The following PSMD8 variants were observed in gnomAD, a reference collection of about 807,000 sequenced individuals.
PSMD8 encodes the protein 26S proteasome non-ATPase regulatory subunit 8.
In PSMD8, 30 loss-of-function variants were observed where a neutral mutation model predicts 40.0. The observed-to-expected ratio is 0.75, with a 90% CI of 0.56 to 1.02. PSMD8 has a LOEUF of 1.02. Ranked by LOEUF, PSMD8 falls within the 50% of genes least tolerant of loss-of-function variation. The pLI is 0.00. For synonymous variants in PSMD8, 208 were observed against 192.5 expected, an observed-to-expected ratio of 1.08 and a Z score of -0.67; for missense variants, 461 against 463.9, an observed-to-expected ratio of 0.99 and a Z score of 0.06.
rs1568389199 is a variant in PSMD8 at position 38,383,396 on chromosome 19, C to G, written c.*6C>G. On this transcript the variant is annotated 3_prime_UTR_variant, in exon 7 of 7. Transcript: ENST00000215071. Reference sequence around the variant, plus strand: ...AGCTGGAGATGATCGTCTGAGCCCCCCGGGCACTGGGTGGGGCAGGGCACG... The same window carrying G: ...AGCTGGAGATGATCGTCTGAGCCCCGCGGGCACTGGGTGGGGCAGGGCACG... The G allele has an allele frequency of 3.7e-6, 6 of 1,613,836 alleles. No individual in the cohort carries two copies. Among genetic ancestry groups the G allele is most frequent in the East Asian group, 4.5e-5 (2 of 44,898 alleles).
In PSMD8 at chr19:38,379,333, G is replaced by A. The variant is rs911967372; in HGVS notation, c.630G>A (p.Thr210=). ...LSQNRVAEFH[T]ELERLPAKDI... Reference sequence around the variant, plus strand: ...AGAACCGGGTGGCTGAGTTCCACACGGAGTTGGAGCGGCTGCCTGCCAAGG... The same window carrying A: ...AGAACCGGGTGGCTGAGTTCCACACAGAGTTGGAGCGGCTGCCTGCCAAGG... The change falls in exon 4 of 7, where the codon ACG becomes ACA. Residue 210 remains threonine, a synonymous_variant. Transcript: ENST00000215071. The A allele has an allele frequency of 4.3e-6, 7 of 1,613,900 alleles. No individual in the cohort carries two copies. The highest frequency in any genetic ancestry group is 2.7e-5 in the African/African-American group (2 of 74,918).
rs1970581635 is a variant in PSMD8, at chr19:38,374,698, T to G, written c.97T>G (p.Leu33Val). 1 of 1,544,292 alleles carries G rather than the reference T, an allele frequency of 6.5e-7. No individual in the cohort carries two copies. The highest frequency in any genetic ancestry group is 8.7e-7 in the Non-Finnish European group (1 of 1,147,744). ...GCAGGTTGTAGCCCCGCCCCGGGCC[T>G]TGGGCTCCACCTCTCGGCCCCACTT... Reference protein sequence around the residue: ...LRQVVAPPRALGSTSRPHFRR... With the variant: ...LRQVVAPPRAVGSTSRPHFRR... Residue 33 changes from leucine (L) to valine (V), a missense_variant, in exon 1 of 7, where the codon TTG becomes GTG. Physicochemically the swap from Leu to Val is conservative, Grantham distance 32. Coordinates refer to ENST00000215071, the MANE Select transcript of PSMD8 (RefSeq NM_002812.5).
At position 38,374,828 on chromosome 19, in the gene PSMD8, C is replaced by T; in HGVS notation, c.227C>T (p.Ser76Leu). The T allele has an allele frequency of 5.7e-6, 9 of 1,575,074 alleles. No homozygotes were observed. The highest frequency in any genetic ancestry group is 7.7e-6 in the Non-Finnish European group (9 of 1,167,984). ...AAAVNGAAGF[S>L]SSGPAATSGA... ...GCGGTGAACGGGGCGGCAGGCTTCT[C>T]GAGCTCCGGGCCCGCGGCAACCTCG... is the stretch of plus-strand genomic sequence containing the variant. The change falls in exon 1 of 7, where the codon TCG (serine) becomes TTG (leucine). Residue 76 changes from serine (S) to leucine (L), a missense_variant. Ser to Leu is a moderately radical substitution (Grantham distance 145, BLOSUM62 -2). Coordinates refer to ENST00000215071, the MANE Select transcript of PSMD8 (RefSeq NM_002812.5).
chr19:38,377,793 C>T (rs1970609640), intron 3 of PSMD8, among the ~76,000 whole-genome samples: 1 of 152,166 alleles, frequency 6.6e-6, no homozygotes, highest in South Asian at 2.1e-4. Context: ...GTGCCCACGA[C>T]CACGCCCAGC....
intron 3 of PSMD8, among the ~76,000 whole-genome samples, chr19:38,378,183 G>T (rs1020387821): frequency 1.3e-5 from 2 of 152,048 alleles, no homozygotes; most frequent in South Asian, 4.1e-4. Context: ...CCAACATGGC[G>T]AAATCCTGTC....
At position 38,376,336 on chromosome 19, in the gene PSMD8, ACT is replaced by A. The variant is rs1484929889; in HGVS notation, c.434-13_434-12del. 1 of 1,546,100 alleles carries A rather than the reference ACT, an allele frequency of 6.5e-7. No individual in the cohort carries two copies. The highest frequency in any genetic ancestry group is 2.4e-5 in the East Asian group (1 of 40,898). On this transcript the variant is annotated splice_polypyrimidine_tract_variant and intron_variant, in intron 2 of 6. Transcript: ENST00000215071. The stretch of plus-strand genomic sequence containing the variant: ...GACCTCAGTCACCTCCTGAGAGCTC[ACT>A]CTGTCACCCACAGGTGACATACTGG...
chr19:38,376,612 C>G (rs1057359677), intron 3 of PSMD8, among the ~76,000 whole-genome samples, 158 bp downstream of exon 3: 3 of 152,120 alleles, frequency 2.0e-5, no homozygotes, highest in Non-Finnish European at 4.4e-5. Flanking sequence ...CTTGGAGGTC[C>G]TGAGACTTGG....
intron 4 of PSMD8, among the ~76,000 whole-genome samples, chr19:38,380,542 C>T (rs2072350): frequency 0.025 from 3,764 of 151,698 alleles, 128 homozygotes; most frequent in East Asian, 0.13. Flanking sequence ...CAGCACAGTT[C>T]GGGCAAAGGT....
chr19:38,374,831 G>A lies in PSMD8; in HGVS notation c.230G>A (p.Ser77Asn). 1 of 1,575,814 alleles carries A rather than the reference G, an allele frequency of 6.3e-7. No individual in the cohort carries two copies. Among genetic ancestry groups the A allele is most frequent in the South Asian group, 1.1e-5 (1 of 87,624 alleles). ...AAVNGAAGFS[S>N]SGPAATSGAV... ...GTGAACGGGGCGGCAGGCTTCTCGA[G>A]CTCCGGGCCCGCGGCAACCTCGGGC... The change falls in exon 1 of 7, where the codon AGC becomes AAC. Residue 77 changes from serine (S) to asparagine (N), a missense_variant. Physicochemically the swap from Ser to Asn is conservative, Grantham distance 46. Around this residue, in one of 2 missense-constraint regions of PSMD8, gnomAD observed 225 missense variants for 142.7 expected, o/e 1.58. Coordinates refer to ENST00000215071, the MANE Select transcript of PSMD8 (RefSeq NM_002812.5).
At position 38,380,971 on chromosome 19, in the gene PSMD8, T is replaced by C; in HGVS notation, c.775T>C (p.Phe259Leu). The change falls in exon 5 of 7, where the codon TTC (phenylalanine) becomes CTC (leucine). Residue 259 changes from phenylalanine to leucine, a missense_variant. Around this residue, in one of 2 missense-constraint regions of PSMD8, gnomAD observed 236 missense variants for 321.2 expected, o/e 0.73. Coordinates refer to ENST00000215071, the MANE Select transcript of PSMD8 (RefSeq NM_002812.5). The part of the protein sequence containing the change: ...GNIPAESYTF[F>L]IDILLDTIRD... The stretch of plus-strand genomic sequence containing the variant: ...CATCCCCGCCGAGAGCTACACCTTC[T>C]TCATTGACATCCTGCTCGACACTAT... 6.3e-7 allele frequency: 1 copy of C among 1,586,776 alleles called. No individual in the cohort carries two copies. The highest frequency in any genetic ancestry group is 2.3e-5 in the East Asian group (1 of 43,622).
intron 1 of PSMD8, 60 bp downstream of exon 1, chr19:38,375,021 C>A: frequency 6.5e-7 from 1 of 1,529,020 alleles, no homozygotes; most frequent in South Asian, 1.2e-5. Context: ...TACGAGGTGT[C>A]TGGACCCAAC....
At position 38,379,232 on chromosome 19, in the gene PSMD8, G is replaced by A. The variant is rs780260613; in HGVS notation, c.537-8G>A. On this transcript the variant is annotated splice_polypyrimidine_tract_variant and splice_region_variant and intron_variant, in intron 3 of 6. Transcript: ENST00000215071. ...TCCTTAACCTGCTTCCCCATCCCAC[G>A]TCCACAGGGAGCAGCTCCCCGAGTC... 16 of 1,612,696 alleles carry A rather than the reference G, an allele frequency of 9.9e-6. No individual in the cohort carries two copies. The South Asian group carries it at 1.1e-4, about 11-fold the overall frequency.
chr19:38,375,984 G>A (rs993995392), intron 1 of PSMD8, among the ~76,000 whole-genome samples, 176 bp from the exon 2 acceptor site: 1 of 152,178 alleles, frequency 6.6e-6, no homozygotes, highest in Non-Finnish European at 1.5e-5. Context: ...ATCTTAAATG[G>A]GCATGTGTTG....
Position 38,374,593 on chromosome 19 carries a change from C to T in PSMD8, c.-9C>T. On this transcript the variant is annotated 5_prime_UTR_variant, in exon 1 of 7. Coordinates refer to ENST00000215071, the MANE Select transcript of PSMD8 (RefSeq NM_002812.5). ...CTTGAGTGACGACAGAGGCGGAGCT[C>T]CAACTGACATGTTCATTAAGGGCAG... The T allele has an allele frequency of 6.9e-7, 1 of 1,456,286 alleles. No individual in the cohort carries two copies. The allele number at this position is 1,456,286 out of a possible 1,614,324, so 90.2% of individuals were successfully genotyped here.
rs1600496066 is a variant in PSMD8, at chr19:38,376,553, A to G, written c.536+99A>G. On this transcript the variant is annotated intron_variant, in intron 3 of 6. Transcript: ENST00000215071. ...TTGGGTCCTCTTCCTTCATCTGGGA[A>G]CTCCTCCTGGCTTAGTTCTCTCCTC... 1.1e-5 allele frequency: 12 copies of G among 1,086,980 alleles called. No individual in the cohort carries two copies. The East Asian group carries it at 1.8e-4, about 16-fold the overall frequency. The allele number at this position is 1,086,980 out of a possible 1,614,324, so 67.3% of individuals were successfully genotyped here.
intron 4 of PSMD8, among the ~76,000 whole-genome samples, chr19:38,379,735 A>G (rs1297789543): frequency 1.3e-5 from 2 of 152,062 alleles, no homozygotes; most frequent in African/African-American, 4.8e-5. Flanking sequence ...AGGAGGGTGG[A>G]GAGGCAGGGA....
At chr19:38,382,927 A>T (rs1238510083) in intron 6 of PSMD8, 1 of 275,366 alleles carries the variant, frequency 3.6e-6, no homozygotes, top group Admixed American at 4.6e-5. Context: ...AAAAAAAAAA[A>T]AAAGAAGAAG....
chr19:38,378,539 G>A (rs112793961), intron 3 of PSMD8, among the ~76,000 whole-genome samples: 3,530 of 151,162 alleles, frequency 0.023, 51 homozygotes, highest in South Asian at 0.044. Flanking sequence ...AGCTGGGCAT[G>A]GTGGTGTGCA....
intron 5 of PSMD8, 77 bp from the exon 6 acceptor site, chr19:38,382,040 C>T (rs1970644597): frequency 2.0e-6 from 2 of 1,018,400 alleles, no homozygotes; most frequent in African/African-American, 3.2e-5. Flanking sequence ...TCAGAGCTGA[C>T]ACATGTCAGG....
Sources: gnomAD v4.1 joint callset for allele counts (sites outside exome capture counted in the v4.1 genomes callset) on GRCh38, gnomAD v4.1.1 for gene constraint, gnomAD v4.1.1 regional missense constraint, MANE v1.5 for transcripts, NCBI Gene and HGNC (gene_info 2026-07-23, HGNC 2026-07-21) for gene names.